The following ZIM2 variants were observed in gnomAD, a reference collection of about 807,000 sequenced individuals.
ZIM2 encodes the protein zinc finger protein 656.
In ZIM2, 14 loss-of-function variants were observed where a neutral mutation model predicts 38.6. The ratio of observed to expected loss-of-function variants is 0.36; its 90% CI spans 0.24 to 0.57. The LOEUF (loss-of-function observed/expected upper bound fraction) is 0.57. Ranked by LOEUF, ZIM2 falls within the 20% of genes least tolerant of loss-of-function variation. The pLI, the probability that ZIM2 is intolerant of heterozygous loss-of-function variation, is 0.81. For synonymous variants in ZIM2, 247 were observed against 245.8 expected, an observed-to-expected ratio of 1.00 and a Z score of -0.04; for missense variants, 680 against 695.1, an observed-to-expected ratio of 0.98 and a Z score of 0.24.
At chr19:56,812,114 T>C (rs2059581480) in intron 9 of ZIM2, 2 of 952,050 alleles carry the variant, frequency 2.1e-6, no homozygotes, top group Non-Finnish European at 2.5e-6. Context: ...TTTGCAAATC[T>C]TTTTTTTTAA....
chr19:56,783,437 A>C (rs1442117907), intron 10 of ZIM2, among the ~76,000 whole-genome samples: 1 of 152,232 alleles, frequency 6.6e-6, no homozygotes, highest in Non-Finnish European at 1.5e-5. Flanking sequence ...TGGATAAAGA[A>C]AATGAGGTGT....
intron 1 of ZIM2, among the ~76,000 whole-genome samples, chr19:56,838,781 C>T (rs1318381743): frequency 6.6e-6 from 1 of 152,228 alleles, no homozygotes; most frequent in East Asian, 1.9e-4. Context: ...GCACACACAG[C>T]CCAAGGAGCG....
chr19:56,795,644 G>C (rs1044445128), intron 9 of ZIM2, among the ~76,000 whole-genome samples: 18 of 152,142 alleles, frequency 1.2e-4, no homozygotes, highest in Non-Finnish European at 2.6e-4. Context: ...GCGAGGAGAA[G>C]GGCGGCGACG....
At position 56,816,455 on chromosome 19, in the gene ZIM2, C is replaced by T. The variant is rs372703471; in HGVS notation, c.490+1291G>A. 29 of 1,614,060 alleles carry T rather than the reference C, an allele frequency of 1.8e-5. 1 individual carries two copies. In the African/African-American group the frequency reaches 3.3e-4, roughly 19 times the overall value. ...GACTGACCAGGAATAAAGGTTTCCT[C>T]ACACACTTTACCCTTGTTTTCAAAT... On this transcript the variant is annotated intron_variant, in intron 9 of 12. Transcript: ENST00000629319.
chr19:56,813,660 C>G (rs770291543), intron 9 of ZIM2: 1 of 1,605,646 alleles, frequency 6.2e-7, no homozygotes, highest in Admixed American at 1.7e-5. Context: ...GTTTTCTAAC[C>G]TTTACCCCAT....
At chr19:56,799,845 T>C (rs1600792601) in intron 9 of ZIM2, among the ~76,000 whole-genome samples, 2 of 152,202 alleles carry the variant, frequency 1.3e-5, no homozygotes, top group South Asian at 4.1e-4. Context: ...GATGGAATAC[T>C]ACACTCAGCA....
chr19:56,806,789 T>TA (rs1568590815), intron 9 of ZIM2, among the ~76,000 whole-genome samples: 1 of 152,154 alleles, frequency 6.6e-6, no homozygotes. Flanking sequence ...AGTGCCCTTA[T>TA]AAAAGATGTG....
intron 9 of ZIM2, among the ~76,000 whole-genome samples, chr19:56,792,308 G>A (rs894989528): frequency 1.3e-5 from 2 of 151,468 alleles, no homozygotes. Context: ...TGATCCACCC[G>A]GATCACAAGG....
At chr19:56,795,357 T>A (rs2047147645) in intron 9 of ZIM2, among the ~76,000 whole-genome samples, 1 of 152,220 alleles carries the variant, frequency 6.6e-6, no homozygotes. Context: ...TGCCCCGCGC[T>A]GGATGCCTCT....
intron 9 of ZIM2, chr19:56,813,383 ACT>A (rs1353742672): frequency 8.4e-6 from 10 of 1,193,086 alleles, no homozygotes; most frequent in Non-Finnish European, 9.4e-6. Context: ...ATTTGGGCAA[ACT>A]CTGTAGTCTG....
intron 7 of ZIM2, among the ~76,000 whole-genome samples, chr19:56,820,447 A>C (rs1446484303): frequency 6.6e-6 from 1 of 152,158 alleles, no homozygotes; most frequent in African/African-American, 2.4e-5. Flanking sequence ...AAAGCAAAAC[A>C]AGACAAAGCC....
In ZIM2 at chr19:56,815,927, C is replaced by G. The variant is rs7251798; in HGVS notation, c.490+1819G>C. On this transcript the variant is annotated intron_variant, in intron 9 of 12. Transcript: ENST00000629319. ...TGACTTCTTGGAGGTTTGGAAGCCA[C>G]TAAGCTATGGATAACAGACCTACTG... 2.1e-3 allele frequency: 3,374 copies of G among 1,607,834 alleles called. 61 individuals carry two copies. The African/African-American group carries it at 0.04, about 19-fold the overall frequency.
chr19:56,804,178 T>A (rs2146007911), intron 9 of ZIM2, among the ~76,000 whole-genome samples: 1 of 152,340 alleles, frequency 6.6e-6, no homozygotes, highest in Non-Finnish European at 1.5e-5. Context: ...CCAAGGTAGA[T>A]GTCCAGGGGA....
chr19:56,795,499 T>A (rs1336118539), intron 9 of ZIM2, among the ~76,000 whole-genome samples: 1 of 152,164 alleles, frequency 6.6e-6, no homozygotes, highest in Non-Finnish European at 1.5e-5. Context: ...TGGCTGAACG[T>A]CTCCACGCCC....
rs547693438 is a variant in ZIM2 at position 56,824,316 on chromosome 19, A to T, written c.-39T>A. 1.2e-6 allele frequency: 2 copies of T among 1,614,086 alleles called. No individual in the cohort carries two copies. Among genetic ancestry groups the T allele is most frequent in the South Asian group, 2.2e-5 (2 of 91,074 alleles). On this transcript the variant is annotated 5_prime_UTR_variant, in exon 4 of 13. Coordinates refer to ENST00000629319, the MANE Select transcript of ZIM2 (RefSeq NM_001387356.1). ...TCCAGCAGAGTGACGAGCTTCTCACAGTTCTCCGGCTTTTTTGCTCGCACC... is the reference window on the plus strand; with the variant it reads ...TCCAGCAGAGTGACGAGCTTCTCACTGTTCTCCGGCTTTTTTGCTCGCACC...
Position 56,814,455 on chromosome 19 carries a change from T to C in ZIM2, c.490+3291A>G, listed in dbSNP as rs897770965. The C allele has an allele frequency of 6.2e-7, 1 of 1,613,780 alleles. No homozygotes were observed. Among genetic ancestry groups the C allele is most frequent in the Non-Finnish European group, 8.5e-7 (1 of 1,179,640 alleles). On this transcript the variant is annotated intron_variant, in intron 9 of 12. Transcript: ENST00000629319. This position sits in a 1 kb window ranked among gnomAD's most constrained non-coding sequence, Gnocchi z 5.8. ...CACAATCCTTGCATTCATAGAATGGTATAGCTCCTTTGAGGGGCTCAGTAA... is the reference window on the plus strand; with the variant it reads ...CACAATCCTTGCATTCATAGAATGGCATAGCTCCTTTGAGGGGCTCAGTAA...
Position 56,774,967 on chromosome 19 carries a change from C to T in ZIM2, c.1398G>A (p.Glu466=), listed in dbSNP as rs150506212. ...ACCCAGGAGGAAGGACTCTTGCTGC[C>T]TCATGGGCTTTGAGATGTTGAAGAA... ...VHLLQHLKAH[E]AARVLPPGLS... The change falls in exon 13 of 13, where the codon GAG becomes GAA. Residue 466 remains glutamate (E), a synonymous_variant. Coordinates refer to ENST00000629319, the MANE Select transcript of ZIM2 (RefSeq NM_001387356.1). 49 of 1,614,068 alleles carry T rather than the reference C, an allele frequency of 3.0e-5. No individual in the cohort carries two copies. The highest frequency in any genetic ancestry group is 4.0e-5 in the Non-Finnish European group (47 of 1,180,042).
chr19:56,780,446 G>C (rs2046273485), intron 11 of ZIM2, among the ~76,000 whole-genome samples: 1 of 151,990 alleles, frequency 6.6e-6, no homozygotes, highest in African/African-American at 2.4e-5. Context: ...GTTTCACCAT[G>C]TTGGCCAGGC....
chr19:56,824,497 G>A, intron 3 of ZIM2, 70 bp from the exon 4 acceptor site: 1 of 1,614,086 alleles, frequency 6.2e-7, no homozygotes, highest in Non-Finnish European at 8.5e-7. Flanking sequence ...ATTCCACATA[G>A]ATTAGGTTCC....
Sources: gnomAD v4.1 joint callset for allele counts (sites outside exome capture counted in the v4.1 genomes callset) on GRCh38, gnomAD v4.1.1 for gene constraint, Gnocchi (gnomAD v3.1) non-coding constraint, MANE v1.5 for transcripts, NCBI Gene and HGNC (gene_info 2026-07-23, HGNC 2026-07-21) for gene names.